Variants in FBN3 observed in about 807,000 individuals in gnomAD.
The protein encoded by FBN3 is fibrillin 3.
A neutral mutation model predicts 330.1 loss-of-function variants in FBN3; 234 were observed. The observed-to-expected ratio is 0.71, with a 90% CI of 0.64 to 0.79. The LOEUF (loss-of-function observed/expected upper bound fraction) is 0.79, where lower values mean the gene tolerates loss of function less well. Among genes scored for constraint, FBN3 ranks in the 30% least tolerant of loss-of-function variants. The probability of loss-of-function intolerance (pLI) is 0.00; values close to 1 mark genes in which losing one functional copy is unlikely to be tolerated. For synonymous variants in FBN3, 1,458 were observed against 1,517.3 expected (o/e 0.96, Z 0.91); for missense variants, 3,606 against 3,886.9 (o/e 0.93, Z 1.92).
At chr19:8,123,389 G>A (rs2082900207) in intron 24 of FBN3, 75 bp downstream of exon 24, 1 of 1,432,424 alleles carries the variant, frequency 7.0e-7, no homozygotes, top group South Asian at 1.2e-5. Context: ...AACAGGTGTT[G>A]TCTCTACGTC....
chr19:8,082,858 TG>T (rs1188837990), intron 57 of FBN3, among the ~76,000 whole-genome samples: 1 of 136,478 alleles, frequency 7.3e-6, no homozygotes, highest in East Asian at 2.0e-4. Context: ...GGTCTCACTC[TG>T]TCACCCAGGC....
In FBN3 at chr19:8,111,730, TG is replaced by T; in HGVS notation, c.4001del (p.Pro1334GlnfsTer120). ...ECVSQEHRCS[P>X]RGDCLNVPGS... ...CAGGGACATTGAGACAGTCACCTCT[TG>T]GGCTGCACCGGTGCTCCTGGGAGAC... On this transcript the variant is annotated frameshift_variant, in exon 32 of 64. Transcript: ENST00000600128. LOFTEE classifies it high-confidence loss of function. 6.2e-7 allele frequency: 1 copy of T among 1,612,488 alleles called. No individual in the cohort carries two copies. The highest frequency in any genetic ancestry group is 8.5e-7 in the Non-Finnish European group (1 of 1,178,898).
At chr19:8,101,580 T>A (rs1419745486) in intron 40 of FBN3, among the ~76,000 whole-genome samples, 2 of 152,168 alleles carry the variant, frequency 1.3e-5, no homozygotes, top group Non-Finnish European at 2.9e-5. Flanking sequence ...TCTCCAGGTC[T>A]GCCCCTTCCC....
intron 40 of FBN3, 88 bp from the exon 41 acceptor site, chr19:8,101,060 GC>G: frequency 9.3e-7 from 1 of 1,076,780 alleles, no homozygotes; most frequent in Non-Finnish European, 1.4e-6. Context: ...CATCCCTGGA[GC>G]CCAGCCCTCA....
chr19:8,076,225 C>T (rs2081635808), intron 59 of FBN3, among the ~76,000 whole-genome samples: 1 of 143,118 alleles, frequency 7.0e-6, no homozygotes, highest in African/African-American at 2.8e-5. Flanking sequence ...TTAAGCCAAC[C>T]AGTGTATGGG....
intron 10 of FBN3, among the ~76,000 whole-genome samples, chr19:8,137,405 C>A (rs913897519): frequency 8.6e-5 from 13 of 151,606 alleles, no homozygotes; most frequent in African/African-American, 2.2e-4. Context: ...ATCCCTCCAA[C>A]CTGGGGCCTA....
intron 50 of FBN3, 77 bp from the exon 51 acceptor site, chr19:8,089,747 A>G: frequency 1.9e-6 from 3 of 1,583,466 alleles, no homozygotes; most frequent in South Asian, 1.2e-5. Context: ...TCAAGGCCCC[A>G]AGGGGACAAA....
intron 54 of FBN3, 103 bp from the exon 55 acceptor site, chr19:8,086,428 TA>T (rs919526842): frequency 2.0e-5 from 10 of 512,054 alleles, no homozygotes; most frequent in Non-Finnish European, 3.2e-5. Flanking sequence ...CCCTCTTGCT[TA>T]TTTTTATTTT....
intron 13 of FBN3, 25 bp downstream of exon 13, chr19:8,135,936 G>GGCCCCCCTC: frequency 1.5e-6 from 1 of 668,778 alleles, no homozygotes; most frequent in Non-Finnish European, 2.4e-6. Flanking sequence ...GGAAGCCCCT[G>GGCCCCCCTC]CCCACCCGCC....
chr19:8,111,504 C>T, intron 32 of FBN3, 144 bp downstream of exon 32: 5 of 954,168 alleles, frequency 5.2e-6, no homozygotes, highest in East Asian at 2.7e-5. Context: ...CCGCCTGGGC[C>T]GAGGACACAG....
chr19:8,139,969 G>A (rs939680845), intron 8 of FBN3, among the ~76,000 whole-genome samples: 4 of 151,844 alleles, frequency 2.6e-5, no homozygotes, highest in Non-Finnish European at 5.9e-5. Context: ...AGGTACGTGC[G>A]TGGGAGTCAG....
At position 8,111,719 on chromosome 19, in the gene FBN3, C is replaced by T. The variant is rs775854933; in HGVS notation, c.4013G>A (p.Cys1338Tyr). The part of the protein sequence containing the change: ...QEHRCSPRGD[C>Y]LNVPGSYRCT... Reference sequence around the variant, plus strand: ...GCGGTAGGAGCCAGGGACATTGAGACAGTCACCTCTTGGGCTGCACCGGTG... The same window carrying T: ...GCGGTAGGAGCCAGGGACATTGAGATAGTCACCTCTTGGGCTGCACCGGTG... Residue 1338 changes from cysteine (C) to tyrosine (Y), a missense_variant, in exon 32 of 64, where the codon TGT becomes TAT. Physicochemically the swap from Cys to Tyr is radical, Grantham distance 194 (BLOSUM62 -2). Coordinates refer to ENST00000600128, the MANE Select transcript of FBN3 (RefSeq NM_032447.5). The T allele has an allele frequency of 6.2e-7, 1 of 1,612,108 alleles. No individual in the cohort carries two copies. The highest frequency in any genetic ancestry group is 8.5e-7 in the Non-Finnish European group (1 of 1,178,778).
intron 1 of FBN3, chr19:8,147,897 A>C: frequency 6.4e-6 from 1 of 157,054 alleles, no homozygotes; most frequent in Non-Finnish European, 1.4e-5. Flanking sequence ...TCAGAAATGC[A>C]TGTTAGGTGG....
At chr19:8,101,757 ATCCCAGCCC>A (rs2082332730) in intron 40 of FBN3, among the ~76,000 whole-genome samples, 2 of 150,892 alleles carry the variant, frequency 1.3e-5, no homozygotes, top group Non-Finnish European at 2.9e-5. Flanking sequence ...CTCCCACTTT[ATCCCAGCCC>A]CAGCTACTCC....
Position 8,091,502 on chromosome 19 carries a change from AGG to A in FBN3, c.5992_5993del (p.Pro1998TrpfsTer6). On this transcript the variant is annotated frameshift_variant, in exon 48 of 64. Transcript: ENST00000600128. LOFTEE classifies it high-confidence loss of function. ...SPGSFQCLCP[P>X]GFVLSDNGHR... ...GCCCATTGTCAGAGAGGACAAAGCC[AGG>A]TGGGCAGAGGCACTGGAAGCTCCCA... The A allele has an allele frequency of 6.2e-7, 1 of 1,613,758 alleles. No homozygotes were observed. Among genetic ancestry groups the A allele is most frequent in the African/African-American group, 1.3e-5 (1 of 75,018 alleles).
intron 22 of FBN3, among the ~76,000 whole-genome samples, chr19:8,125,617 C>T (rs2082958903): frequency 6.6e-6 from 1 of 151,848 alleles, no homozygotes; most frequent in African/African-American, 2.4e-5. Context: ...ATGGTGAAAC[C>T]CCATCTCTAC....
chr19:8,144,948 T>A lies in FBN3; in HGVS notation c.470A>T (p.Asn157Ile), dbSNP rs533689982. 6.2e-7 allele frequency: 1 copy of A among 1,611,540 alleles called. No individual in the cohort carries two copies. The highest frequency in any genetic ancestry group is 8.5e-7 in the Non-Finnish European group (1 of 1,179,516). ...GTTGGGCCCAATGCAGCGACCCCCA[T>A]TGTGGCAGCCGCGGTCACAGATGGC... ...GQPICDRGCH[N>I]GGRCIGPNRC... Residue 157 changes from asparagine (N) to isoleucine (I), a missense_variant, in exon 6 of 64, where the codon AAT becomes ATT. By Grantham distance (149) the Asn-to-Ile change is moderately radical. Transcript: ENST00000600128.
chr19:8,147,805 G>C (rs938029158), intron 1 of FBN3: 1 of 271,800 alleles, frequency 3.7e-6, no homozygotes, highest in Non-Finnish European at 6.9e-6. Flanking sequence ...GCAGGAGTGG[G>C]CATAGCAGTG....
In FBN3 at chr19:8,086,301, G is replaced by A. The variant is rs2081956773; in HGVS notation, c.6779C>T (p.Pro2260Leu). The A allele has an allele frequency of 6.2e-7, 1 of 1,610,516 alleles. No homozygotes were observed. The highest frequency in any genetic ancestry group is 8.5e-7 in the Non-Finnish European group (1 of 1,177,912). Residue 2260 changes from proline (P) to leucine (L), a missense_variant, in exon 55 of 64, where the codon CCT becomes CTT. Pro to Leu is a moderately conservative substitution (Grantham distance 98). Coordinates refer to ENST00000600128, the MANE Select transcript of FBN3 (RefSeq NM_032447.5). ...CTDDNECHAQPDLCVNGRCVN... is the reference protein window; with the variant it reads ...CTDDNECHAQLDLCVNGRCVN... ...ACAGCGGCCGTTGACACAGAGGTCA[G>A]GCTGAGCGTGGCATTCATTGTCATC...
Sources: gnomAD v4.1 joint callset for allele counts (sites outside exome capture counted in the v4.1 genomes callset) on GRCh38, gnomAD v4.1.1 for gene constraint, MANE v1.5 for transcripts, NCBI Gene and HGNC (gene_info 2026-07-23, HGNC 2026-07-21) for gene names.